Variants in CSMD3 observed in about 807,000 individuals in gnomAD.
CSMD3 encodes CUB and sushi domain-containing protein 3.
Under a neutral mutation model 435.2 loss-of-function variants are expected in CSMD3, and 177 were observed. That is an observed-to-expected ratio of 0.41 (90% CI 0.36 to 0.46). The LOEUF (loss-of-function observed/expected upper bound fraction) is 0.46, where lower values mean the gene tolerates loss of function less well. CSMD3 is among the 20% of genes least tolerant of loss of function. CSMD3 has a pLI of 0.34. For missense variants in CSMD3, 4,265 were observed against 4,504.6 expected, an observed-to-expected ratio of 0.95 and a Z score of 1.52; for synonymous variants, 1,656 against 1,520.5, an observed-to-expected ratio of 1.09 and a Z score of -2.07.
At chr8:113,403,914 A>G (rs528308303) in intron 1 of CSMD3, among the ~76,000 whole-genome samples, 2 of 151,588 alleles carry the variant, frequency 1.3e-5, no homozygotes, top group East Asian at 1.9e-4. Context: ...ACTCAAATGT[A>G]AAGTTTTAGT....
chr8:112,727,795 C>A (rs1459236695), intron 13 of CSMD3, among the ~76,000 whole-genome samples: 1 of 151,660 alleles, frequency 6.6e-6, no homozygotes, highest in Non-Finnish European at 1.5e-5. Flanking sequence ...TGAAGTGGAA[C>A]AGTAAAATAC....
At chr8:113,027,631 C>CCA (rs2086923443) in intron 5 of CSMD3, among the ~76,000 whole-genome samples, 1 of 152,044 alleles carries the variant, frequency 6.6e-6, no homozygotes, top group South Asian at 2.1e-4. Context: ...GTTAGGCAGT[C>CCA]CACTCTTCAG....
intron 30 of CSMD3, among the ~76,000 whole-genome samples, chr8:112,495,361 T>G (rs1821234219): frequency 6.6e-6 from 1 of 152,216 alleles, no homozygotes; most frequent in Non-Finnish European, 1.5e-5. Context: ...TGCTTTCTCC[T>G]TCTTTGAAGT....
chr8:112,630,942 TCACACACACACACACA>T (rs5894090), intron 22 of CSMD3, among the ~76,000 whole-genome samples: 99 of 140,590 alleles, frequency 7.0e-4, no homozygotes, highest in Non-Finnish European at 9.5e-4. Flanking sequence ...ACATCAGTAT[TCACACACACACACACA>T]CACACACACA....
chr8:113,156,224 T>C (rs1182686579), intron 4 of CSMD3, among the ~76,000 whole-genome samples: 1 of 152,060 alleles, frequency 6.6e-6, no homozygotes, highest in Non-Finnish European at 1.5e-5. Flanking sequence ...GTGCCTAGTG[T>C]GCCAAATAGA....
At chr8:112,373,919 C>T (rs1442122224) in intron 38 of CSMD3, among the ~76,000 whole-genome samples, 3 of 152,066 alleles carry the variant, frequency 2.0e-5, no homozygotes, top group Non-Finnish European at 4.4e-5. Flanking sequence ...TGTTCTAAAC[C>T]ACAGCTGCTC....
At chr8:112,719,916 T>C (rs2076819970) in intron 13 of CSMD3, among the ~76,000 whole-genome samples, 1 of 152,172 alleles carries the variant, frequency 6.6e-6, no homozygotes, top group South Asian at 2.1e-4. Flanking sequence ...CCCTTGCAAC[T>C]AGACTCCTAA....
intron 10 of CSMD3, among the ~76,000 whole-genome samples, chr8:112,907,944 A>G (rs960047708): frequency 6.6e-6 from 1 of 151,424 alleles, no homozygotes; most frequent in Non-Finnish European, 1.5e-5. Flanking sequence ...CCACACCAGC[A>G]TCATTCAAAA....
rs545397171 is a variant in CSMD3 at position 112,937,201 on chromosome 8, C to T, written c.1508+10589G>A. 4.6e-5 allele frequency among the ~76,000 whole-genome samples: 7 copies of T among 152,110 alleles called. No homozygotes were observed. The East Asian group carries it at 1.4e-3, about 29-fold the overall frequency. On this transcript the variant is annotated intron_variant, in intron 9 of 70. Coordinates refer to ENST00000297405, the MANE Select transcript of CSMD3 (RefSeq NM_198123.2). ...GAGATTTCAAAAATCTAGTCCTATTCTTTCTTCTATATATTTATACAACTT... is the reference window on the plus strand; with the variant it reads ...GAGATTTCAAAAATCTAGTCCTATTTTTTCTTCTATATATTTATACAACTT...
At chr8:112,527,372 A>G (rs1825084178) in intron 27 of CSMD3, among the ~76,000 whole-genome samples, 1 of 151,648 alleles carries the variant, frequency 6.6e-6, no homozygotes, top group Admixed American at 6.6e-5. Flanking sequence ...AAAAGGGTCA[A>G]AAAAAACCCA....
At chr8:112,588,470 A>C (rs537485359) in intron 22 of CSMD3, among the ~76,000 whole-genome samples, 1 of 152,144 alleles carries the variant, frequency 6.6e-6, no homozygotes, top group East Asian at 1.9e-4. Context: ...TAAAGAAAAA[A>C]AAAAATCAAA....
At chr8:112,460,873 A>T (rs1452731178) in intron 32 of CSMD3, among the ~76,000 whole-genome samples, 1 of 152,166 alleles carries the variant, frequency 6.6e-6, no homozygotes, top group East Asian at 1.9e-4. Flanking sequence ...TAAAGTTATA[A>T]GAGAATACTA....
chr8:112,780,403 G>A (rs1358214162), intron 13 of CSMD3, among the ~76,000 whole-genome samples: 2 of 152,042 alleles, frequency 1.3e-5, no homozygotes, highest in Admixed American at 1.3e-4. Context: ...AAAGGGCAAA[G>A]TAAGGCAGCT....
At chr8:112,954,140 A>G (rs1002208770) in intron 8 of CSMD3, among the ~76,000 whole-genome samples, 7 of 151,490 alleles carry the variant, frequency 4.6e-5, no homozygotes, top group Non-Finnish European at 8.9e-5. Flanking sequence ...TGTGTACTTC[A>G]GGCCATTTTT....
At chr8:113,289,371 C>T (rs2093668627) in intron 2 of CSMD3, among the ~76,000 whole-genome samples, 1 of 151,536 alleles carries the variant, frequency 6.6e-6, no homozygotes, top group South Asian at 2.1e-4. Flanking sequence ...CTATTGTGTT[C>T]TACTAGGTTG....
chr8:112,870,820 GA>G (rs200086188), intron 10 of CSMD3, among the ~76,000 whole-genome samples: 40 of 150,156 alleles, frequency 2.7e-4, no homozygotes, highest in Non-Finnish European at 4.7e-4. Context: ...TTATATTCTA[GA>G]AAAAAAAAGA....
intron 32 of CSMD3, among the ~76,000 whole-genome samples, chr8:112,445,857 A>T (rs1438040290): frequency 6.6e-6 from 1 of 152,158 alleles, no homozygotes; most frequent in Non-Finnish European, 1.5e-5. Context: ...TACTATTTTA[A>T]TTCCTTCTGT....
intron 38 of CSMD3, among the ~76,000 whole-genome samples, chr8:112,361,340 T>C (rs1353324978): frequency 6.6e-6 from 1 of 151,628 alleles, no homozygotes; most frequent in Non-Finnish European, 1.5e-5. Flanking sequence ...TGCACACAGT[T>C]ATGTCTGTCT....
At chr8:112,899,858 G>T (rs1450811071) in intron 10 of CSMD3, among the ~76,000 whole-genome samples, 1 of 149,946 alleles carries the variant, frequency 6.7e-6, no homozygotes, top group Non-Finnish European at 1.5e-5. Flanking sequence ...GAGTCAGAGA[G>T]AGAGAGACTT....
Sources: allele counts gnomAD v4.1 joint callset (sites outside exome capture counted in the v4.1 genomes callset), GRCh38; gene constraint gnomAD v4.1.1; transcripts MANE v1.5; gene names NCBI Gene and HGNC (gene_info 2026-07-23, HGNC 2026-07-21).